Variants in PRH1 observed in about 807,000 individuals in gnomAD.
The protein encoded by PRH1 is proline rich protein HaeIII subfamily 1, also known as salivary acidic proline-rich phosphoprotein 1/2.
In PRH1, 7 loss-of-function variants were observed where a neutral mutation model predicts 7.9. That is an observed-to-expected ratio of 0.89 (90% CI 0.50 to 1.67). The LOEUF (loss-of-function observed/expected upper bound fraction) is 1.67. PRH1 is among the 40% of genes most tolerant of loss of function. The pLI, the probability that PRH1 is intolerant of heterozygous loss-of-function variation, is 0.00. For synonymous variants in PRH1, 45 were observed against 80.8 expected, an observed-to-expected ratio of 0.56 and a Z score of 2.38; for missense variants, 109 against 223.6, an observed-to-expected ratio of 0.49 and a Z score of 3.27.
At chr12:11,133,423 G>C (rs1416209748) in intron 1 of PRH1, 2 of 1,613,952 alleles carry the variant, frequency 1.2e-6, no homozygotes, top group Non-Finnish European at 1.7e-6. Flanking sequence ...TGAATGGGTG[G>C]GTTGAAGGAT....
chr12:11,069,700 G>A (rs1194653461), intron 1 of PRH1, among the ~76,000 whole-genome samples: 1 of 152,188 alleles, frequency 6.6e-6, no homozygotes, highest in Admixed American at 6.5e-5. Flanking sequence ...TAGTTGAAGA[G>A]GCTTCACACT....
At chr12:11,069,715 T>C (rs2136202661) in intron 1 of PRH1, among the ~76,000 whole-genome samples, 1 of 152,320 alleles carries the variant, frequency 6.6e-6, no homozygotes, top group South Asian at 2.1e-4. Flanking sequence ...CACACTTTGA[T>C]AAATACTTAT....
chr12:10,943,629 C>T (rs1268274518), intron 2 of PRH1, among the ~76,000 whole-genome samples: 1 of 152,028 alleles, frequency 6.6e-6, no homozygotes, highest in East Asian at 1.9e-4. Context: ...GATGTCTTTG[C>T]CATGAAATCT....
intron 1 of PRH1, among the ~76,000 whole-genome samples, chr12:11,062,496 G>A (rs112424719): frequency 6.6e-6 from 1 of 152,030 alleles, no homozygotes; most frequent in East Asian, 1.9e-4. Flanking sequence ...CTCTCTTTAT[G>A]GAAAATATTC....
At position 10,964,584 on chromosome 12, in the gene PRH1, A is replaced by C. The variant is rs1938411082; in HGVS notation, c.-59+9071T>G. 3.2e-5 allele frequency: 12 copies of C among 380,298 alleles called. No homozygotes were observed. In the South Asian group the frequency reaches 3.6e-4, roughly 11 times the overall value. The allele number at this position is 380,298 out of a possible 1,614,324, so 23.6% of individuals were successfully genotyped here. On this transcript the variant is annotated intron_variant, in intron 2 of 3. Transcript: ENST00000539853. ...CTGAGCATGAGGACAGGTTCGTTCT[A>C]CAGCCTCCTCCTAAAATTCCAAATC...
upstream of PRH1, among the ~76,000 whole-genome samples, chr12:10,888,628 T>C (rs1436993616): frequency 1.3e-5 from 2 of 152,232 alleles, no homozygotes. Context: ...TTTTTATTTA[T>C]ACTACTTTTG....
chr12:11,092,543 A>T (rs150652244), intron 1 of PRH1, among the ~76,000 whole-genome samples: 2,955 of 115,196 alleles, frequency 0.026, 868 homozygotes, highest in South Asian at 0.038. Context: ...GTGCCCTTTT[A>T]TCAATCCTCC....
intron 2 of PRH1, among the ~76,000 whole-genome samples, chr12:10,948,396 T>C (rs901921926): frequency 3.9e-5 from 6 of 152,242 alleles, no homozygotes; most frequent in African/African-American, 1.4e-4. Context: ...TCTGAAACTC[T>C]TCCCTCAGAC....
chr12:11,033,893 C>T (rs1942330622), intron 1 of PRH1, among the ~76,000 whole-genome samples: 1 of 152,134 alleles, frequency 6.6e-6, no homozygotes, highest in South Asian at 2.1e-4. Flanking sequence ...CATAAACACT[C>T]AAGTAACCAT....
chr12:11,140,529 A>G (rs1265345722), intron 1 of PRH1, among the ~76,000 whole-genome samples: 1 of 152,142 alleles, frequency 6.6e-6, no homozygotes, highest in African/African-American at 2.4e-5. Flanking sequence ...ACCAACGTCA[A>G]AGAGGAAATC....
intron 1 of PRH1, chr12:11,092,060 C>T (rs766050964): frequency 6.5e-7 from 1 of 1,541,174 alleles, no homozygotes; most frequent in South Asian, 1.1e-5. Context: ...CCAGAGCAAA[C>T]CAACTCTGGA....
chr12:11,091,234 A>G lies in PRH1; in HGVS notation n.124-44046T>C, dbSNP rs1182232466. ...CAGTATAGAAAAACCAGTAAGAAATATAAAATGTTTCATACACCACCAGTT... is the reference window on the plus strand; with the variant it reads ...CAGTATAGAAAAACCAGTAAGAAATGTAAAATGTTTCATACACCACCAGTT... On this transcript the variant is annotated intron_variant and non_coding_transcript_variant, in intron 1 of 4. Transcript: ENST00000541977. 22 of 1,089,794 alleles carry G rather than the reference A, an allele frequency of 2.0e-5. 6 individuals are homozygous for G. The highest frequency in any genetic ancestry group is 2.6e-5 in the Non-Finnish European group (20 of 777,448). The allele number at this position is 1,089,794 out of a possible 1,614,324, so 67.5% of individuals were successfully genotyped here. A position where few individuals can be genotyped will look rare whatever the true frequency, so the allele number is the denominator to read the frequency against.
chr12:10,974,273 CCA>C (rs1187209669), intron 1 of PRH1, among the ~76,000 whole-genome samples: 1 of 152,184 alleles, frequency 6.6e-6, no homozygotes, highest in African/African-American at 2.4e-5. Context: ...GCACCCCACC[CCA>C]GTCTACGAGT....
At chr12:11,013,450 C>A (rs781603307) in intron 1 of PRH1, among the ~76,000 whole-genome samples, 18 of 151,976 alleles carry the variant, frequency 1.2e-4, no homozygotes, top group Non-Finnish European at 2.5e-4. Context: ...AAAAATAACT[C>A]ATATTTAATT....
rs1374853384 is a variant in PRH1 at position 11,133,833 on chromosome 12, G to C, written n.40-12653C>G. The stretch of plus-strand genomic sequence containing the variant: ...ACAAAAAGATGACAAACCAAAAATA[G>C]CAAAGGCCCCAACAGTATCACCAGA... On this transcript the variant is annotated intron_variant and non_coding_transcript_variant, in intron 1 of 1. Coordinates refer to the PRH1 transcript ENST00000541175. The C allele has an allele frequency of 7.4e-6, 12 of 1,613,940 alleles. No individual in the cohort carries two copies. The highest frequency in any genetic ancestry group is 1.0e-5 in the Non-Finnish European group (12 of 1,180,012).
intron 1 of PRH1, among the ~76,000 whole-genome samples, chr12:11,036,418 C>T (rs1046839944): frequency 1.3e-5 from 2 of 152,204 alleles, no homozygotes; most frequent in Non-Finnish European, 2.9e-5. Context: ...AACCTTCTAA[C>T]TCCATCATCA....
rs71051557 is a variant in PRH1, at chr12:11,042,623, C to CTTTTTTTTTT, written c.-126+4387_-126+4396dup. The stretch of plus-strand genomic sequence containing the variant: ...AAGAGGGACTACTTCCAGGCTCATT[C>CTTTTTTTTTT]TTTTTTTTTTTTTTTTTTTTTTTTG... On this transcript the variant is annotated intron_variant, in intron 1 of 3. Transcript: ENST00000539853. 5.0e-5 allele frequency among the ~76,000 whole-genome samples: 4 copies of CTTTTTTTTTT among 79,320 alleles called. 1 individual carries two copies. The highest frequency in any genetic ancestry group is 1.1e-4 in the African/African-American group (2 of 18,888). The allele number at this position is 79,320 out of a possible 152,430, so 52.0% of individuals were successfully genotyped here. A position where few individuals can be genotyped will look rare whatever the true frequency, so the allele number is the denominator to read the frequency against.
intron 1 of PRH1, among the ~76,000 whole-genome samples, chr12:11,098,891 A>T (rs2136277807): frequency 6.6e-6 from 1 of 152,314 alleles, no homozygotes; most frequent in South Asian, 2.1e-4. Flanking sequence ...TTCCAAAATA[A>T]AAAATGAGTT....
intron 1 of PRH1, among the ~76,000 whole-genome samples, chr12:11,096,200 T>C (rs1348808207): frequency 1.7e-5 from 2 of 115,746 alleles, no homozygotes; most frequent in African/African-American, 5.8e-5. Flanking sequence ...AGTATGTTAG[T>C]TGTTCTGATT....
Sources: allele counts gnomAD v4.1 joint callset (sites outside exome capture counted in the v4.1 genomes callset), GRCh38; gene constraint gnomAD v4.1.1; transcripts MANE v1.5; gene names NCBI Gene and HGNC (gene_info 2026-07-23, HGNC 2026-07-21).